The following DGUOK variants were observed in gnomAD, a reference collection of about 807,000 sequenced individuals.
The protein encoded by DGUOK is deoxyguanosine kinase, mitochondrial.
Under a neutral mutation model 36.6 loss-of-function variants are expected in DGUOK, and 30 were observed. That is an observed-to-expected ratio of 0.82 (90% CI 0.61 to 1.11). The LOEUF (loss-of-function observed/expected upper bound fraction) is 1.11, where lower values mean the gene tolerates loss of function less well. DGUOK is among the 50% of genes most tolerant of loss of function. The pLI is 0.00. For missense variants in DGUOK, 361 were observed against 336.4 expected (o/e 1.07, Z -0.57); for synonymous variants, 145 against 126.3 (o/e 1.15, Z -0.99).
Position 73,957,258 on chromosome 2 carries a change from A to T in DGUOK, c.707+18A>T. The T allele has an allele frequency of 6.3e-7, 1 of 1,596,568 alleles. No individual in the cohort carries two copies. Among genetic ancestry groups the T allele is most frequent in the Non-Finnish European group, 8.6e-7 (1 of 1,165,050 alleles). ...ACAACGAAGTAAGTGGGGAGAAAAG[A>T]ATGTATCAGAGACAGAGACCTGGCT... On this transcript the variant is annotated intron_variant, in intron 5 of 6. Coordinates refer to ENST00000264093, the MANE Select transcript of DGUOK (RefSeq NM_080916.3).
chr2:73,938,628 A>G (rs992777007), intron 1 of DGUOK, among the ~76,000 whole-genome samples: 6 of 152,196 alleles, frequency 3.9e-5, no homozygotes, highest in Admixed American at 2.0e-4. Context: ...TACATTTTCA[A>G]CTGTTATTAA....
chr2:73,940,099 G>A (rs150745938), intron 2 of DGUOK, among the ~76,000 whole-genome samples: 10 of 152,002 alleles, frequency 6.6e-5, no homozygotes, highest in African/African-American at 2.4e-4. Context: ...ACAGGGTTTC[G>A]CCATGTTGGC....
intron 2 of DGUOK, among the ~76,000 whole-genome samples, chr2:73,943,976 T>C (rs575751680): frequency 2.6e-5 from 4 of 152,122 alleles, no homozygotes; most frequent in African/African-American, 7.2e-5. Context: ...GCTGATACTC[T>C]TTTCTTTTTC....
intron 1 of DGUOK, 21 bp from the exon 2 acceptor site, chr2:73,938,889 T>TA (rs1267666778): frequency 3.2e-6 from 5 of 1,541,050 alleles, no homozygotes; most frequent in Non-Finnish European, 4.5e-6. Flanking sequence ...AGCATCCCAA[T>TA]ACATGCTATT....
chr2:73,931,916 C>G (rs888081619), intron 1 of DGUOK, among the ~76,000 whole-genome samples: 3 of 151,882 alleles, frequency 2.0e-5, no homozygotes, highest in African/African-American at 7.3e-5. Flanking sequence ...GATGTGGTGG[C>G]CACTTGGAGG....
chr2:73,951,832 G>A (rs1269529221), intron 4 of DGUOK, among the ~76,000 whole-genome samples: 3 of 152,226 alleles, frequency 2.0e-5, no homozygotes, highest in Non-Finnish European at 2.9e-5. Context: ...TAGATCGTAC[G>A]AGGGAATAAG....
At chr2:73,946,637 TAGGGGTGTGTGTGG>T in intron 2 of DGUOK, 68 bp from the exon 3 acceptor site, 3 of 1,235,152 alleles carry the variant, frequency 2.4e-6, no homozygotes, top group Non-Finnish European at 3.6e-6. Flanking sequence ...TTTGGGGAGG[TAGGGGTGTGTGTGG>T]AGGGGTGTAC....
chr2:73,954,444 A>AG (rs1416993298), intron 4 of DGUOK, among the ~76,000 whole-genome samples: 1 of 151,944 alleles, frequency 6.6e-6, no homozygotes, highest in Non-Finnish European at 1.5e-5. Flanking sequence ...CTGAGATGGG[A>AG]GGATTGCTTG....
intron 3 of DGUOK, among the ~76,000 whole-genome samples, chr2:73,949,261 G>A (rs971617559): frequency 2.0e-5 from 3 of 152,064 alleles, no homozygotes; most frequent in East Asian, 1.9e-4. Flanking sequence ...CACTTTATAG[G>A]ATCTTAATTT....
At chr2:73,928,444 A>G (rs954484030) in intron 1 of DGUOK, among the ~76,000 whole-genome samples, 5 of 152,208 alleles carry the variant, frequency 3.3e-5, no homozygotes, top group African/African-American at 4.8e-5. Flanking sequence ...GTCATTTTAA[A>G]TAAAATAAGC....
intron 1 of DGUOK, among the ~76,000 whole-genome samples, chr2:73,933,649 C>A (rs1203104210): frequency 4.0e-5 from 6 of 151,742 alleles, no homozygotes; most frequent in African/African-American, 2.4e-5. Flanking sequence ...AAAAGGTCAT[C>A]AAAGTAAAAT....
intron 1 of DGUOK, among the ~76,000 whole-genome samples, chr2:73,928,544 A>G (rs1680781034): frequency 6.6e-6 from 1 of 152,246 alleles, no homozygotes; most frequent in African/African-American, 2.4e-5. Flanking sequence ...TCTTCTAGGC[A>G]GAGTGAAGAG....
At position 73,946,738 on chromosome 2, in the gene DGUOK, T is replaced by G. The variant is rs982717858; in HGVS notation, c.275T>G (p.Leu92Arg). The G allele has an allele frequency of 6.2e-7, 1 of 1,614,236 alleles. No individual in the cohort carries two copies. The highest frequency in any genetic ancestry group is 8.5e-7 in the Non-Finnish European group (1 of 1,180,050). The change falls in exon 3 of 7, where the codon CTT becomes CGT. Residue 92 changes from leucine to arginine, a missense_variant. Transcript: ENST00000264093. Reference sequence around the variant, plus strand: ...CTCTAGGCCTGCACTGCCCAAAGTCTTGGAAACTTGCTGGATATGATGTAC... The same window carrying G: ...CTCTAGGCCTGCACTGCCCAAAGTCGTGGAAACTTGCTGGATATGATGTAC... Reference protein sequence around the residue: ...GTQKACTAQSLGNLLDMMYRE... With the variant: ...GTQKACTAQSRGNLLDMMYRE...
chr2:73,940,379 C>T (rs1681814296), intron 2 of DGUOK, among the ~76,000 whole-genome samples: 1 of 152,216 alleles, frequency 6.6e-6, no homozygotes, highest in Admixed American at 6.5e-5. Flanking sequence ...GACAGAGTAT[C>T]ATGGAACTTG....
chr2:73,933,850 T>C (rs368692705), intron 1 of DGUOK, among the ~76,000 whole-genome samples: 65 of 152,264 alleles, frequency 4.3e-4, no homozygotes, highest in African/African-American at 1.5e-3. Context: ...TAAACATTTG[T>C]TGATTGAATG....
At chr2:73,936,853 A>C (rs1207556233) in intron 1 of DGUOK, among the ~76,000 whole-genome samples, 2 of 152,216 alleles carry the variant, frequency 1.3e-5, no homozygotes, top group Non-Finnish European at 2.9e-5. Context: ...CTCACCCAGA[A>C]TACCAACCAT....
At position 73,926,939 on chromosome 2, in the gene DGUOK, G is replaced by A. The variant is rs1198414370; in HGVS notation, c.29G>A (p.Arg10Gln). 4.3e-6 allele frequency: 7 copies of A among 1,613,396 alleles called. No individual in the cohort carries two copies. In the Admixed American group the frequency reaches 6.7e-5, roughly 15 times the overall value. MAAGRLFLS[R>Q]LRAPFSSMAK... ...GCCGCGGGCCGCCTCTTTCTAAGTC[G>A]GCTTCGAGCACCCTTCAGTTCCATG... The change falls in exon 1 of 7, where the codon CGG (arginine) becomes CAG (glutamine). Residue 10 changes from arginine to glutamine, a missense_variant. Arg to Gln is a conservative substitution (Grantham distance 43). Transcript: ENST00000264093.
At position 73,946,605 on chromosome 2, in the gene DGUOK, C is replaced by CT. The variant is rs1270673213; in HGVS notation, c.256-111dup. 14 of 962,116 alleles carry CT rather than the reference C, an allele frequency of 1.5e-5. No individual in the cohort carries two copies. The Middle Eastern group carries it at 1.2e-3, about 83-fold the overall frequency. The allele number at this position is 962,116 out of a possible 1,614,324, so 59.6% of individuals were successfully genotyped here. On this transcript the variant is annotated intron_variant, in intron 2 of 6. Coordinates refer to ENST00000264093, the MANE Select transcript of DGUOK (RefSeq NM_080916.3). Reference sequence around the variant, plus strand: ...TGGAAGGAAACTTTTGTAATTTCTTCTTTCATTGATTATTAAACCTGTTTG... The same window carrying CT: ...TGGAAGGAAACTTTTGTAATTTCTTCTTTTCATTGATTATTAAACCTGTTTG...
At chr2:73,941,082 T>C (rs1252603335) in intron 2 of DGUOK, among the ~76,000 whole-genome samples, 1 of 152,202 alleles carries the variant, frequency 6.6e-6, no homozygotes, top group African/African-American at 2.4e-5. Context: ...GGGTAGGTCA[T>C]AAGAGACACT....
Sources: allele counts gnomAD v4.1 joint callset (sites outside exome capture counted in the v4.1 genomes callset), GRCh38; gene constraint gnomAD v4.1.1; transcripts MANE v1.5; gene names NCBI Gene and HGNC (gene_info 2026-07-23, HGNC 2026-07-21).